The following PROSER1 variants were observed in gnomAD, a reference collection of about 807,000 sequenced individuals.
PROSER1 encodes the protein proline and serine rich 1.
PROSER1 carries 36 observed loss-of-function variants against 71.8 expected under a neutral mutation model. The observed-to-expected ratio is 0.50, with a 90% confidence interval of 0.38 to 0.66. The LOEUF (loss-of-function observed/expected upper bound fraction) is 0.66, where lower values mean the gene tolerates loss of function less well. Ranked by LOEUF, PROSER1 falls within the 30% of genes least tolerant of loss-of-function variation. PROSER1 has a pLI of 0.00. For synonymous variants in PROSER1, 490 were observed against 452.4 expected, an observed-to-expected ratio of 1.08 and a Z score of -1.06; for missense variants, 1,107 against 1,135.0, an observed-to-expected ratio of 0.98 and a Z score of 0.35.
intron 7 of PROSER1, chr13:39,023,510 A>G (rs1593534731): frequency 6.0e-6 from 1 of 165,418 alleles, no homozygotes; most frequent in East Asian, 1.7e-4. Context: ...AAATTACGCA[A>G]GAACTCCCAA....
intron 2 of PROSER1, among the ~76,000 whole-genome samples, chr13:39,032,360 TTA>T (rs1172509345): frequency 6.6e-6 from 1 of 151,996 alleles, no homozygotes; most frequent in Non-Finnish European, 1.5e-5. Flanking sequence ...GAGGGAAGCA[TTA>T]TGAGATAGCC....
intron 3 of PROSER1, among the ~76,000 whole-genome samples, chr13:39,029,997 C>G (rs1327156617): frequency 6.6e-6 from 1 of 152,040 alleles, no homozygotes; most frequent in East Asian, 1.9e-4. Context: ...GAAGATTTGG[C>G]CAATTTGGAC....
intron 11 of PROSER1, 65 bp from the exon 12 acceptor site, chr13:39,012,298 T>C (rs750947627): frequency 1.3e-5 from 20 of 1,489,350 alleles, no homozygotes; most frequent in Non-Finnish European, 1.9e-5. Flanking sequence ...GTTTCCATAT[T>C]TGTCAAATAC....
At chr13:39,027,599 A>G (rs1350697800) in intron 5 of PROSER1, among the ~76,000 whole-genome samples, 1 of 152,190 alleles carries the variant, frequency 6.6e-6, no homozygotes, top group Non-Finnish European at 1.5e-5. Context: ...TTCTACAACA[A>G]TGTATGACTA....
Position 39,014,603 on chromosome 13 carries a change from G to C in PROSER1, c.776-127C>G, listed in dbSNP as rs967914505. On this transcript the variant is annotated intron_variant, in intron 10 of 12. Transcript: ENST00000352251. ...AAATAAAAAATGACAAGTATAACAGGCTCTTGTAATATCTAAATTGCTGGG... is the reference window on the plus strand; with the variant it reads ...AAATAAAAAATGACAAGTATAACAGCCTCTTGTAATATCTAAATTGCTGGG... 7.1e-6 allele frequency: 5 copies of C among 705,546 alleles called. No homozygotes were observed. In the Admixed American group the frequency reaches 1.5e-4, roughly 21 times the overall value. The allele number at this position is 705,546 out of a possible 1,614,324, so 43.7% of individuals were successfully genotyped here.
chr13:39,035,222 T>C (rs548716939), intron 1 of PROSER1, among the ~76,000 whole-genome samples: 31 of 152,324 alleles, frequency 2.0e-4, no homozygotes, highest in African/African-American at 7.2e-4. Flanking sequence ...CTAGGAGTTT[T>C]ATTATCAATG....
At position 39,013,618 on chromosome 13, in the gene PROSER1, A is replaced by G; in HGVS notation, c.1634T>C (p.Val545Ala). ...CAGGGGAGTGGAAGTTGAGTTAGCC[A>G]CGGGAGACGGCAGGCCTGGGAACAG... The part of the protein sequence containing the change: ...LALFPGLPSP[V>A]ANSTSTPLTL... Residue 545 changes from valine (V) to alanine (A), a missense_variant, in exon 11 of 13, where the codon GTG becomes GCG. Coordinates refer to ENST00000352251, the MANE Select transcript of PROSER1 (RefSeq NM_025138.5). 1.2e-6 allele frequency: 2 copies of G among 1,614,186 alleles called. No homozygotes were observed. Among genetic ancestry groups the G allele is most frequent in the Non-Finnish European group, 1.7e-6 (2 of 1,180,026 alleles).
chr13:39,013,946 A>G lies in PROSER1; in HGVS notation c.1306T>C (p.Leu436=). Residue 436 remains leucine (L), a synonymous_variant, in exon 11 of 13, where the codon TTA becomes CTA. Coordinates refer to ENST00000352251, the MANE Select transcript of PROSER1 (RefSeq NM_025138.5). ...GATAGGCCTTGGGATGTTGGTGGTA[A>G]GGGCAAAGGGAGCCCTGCAAAAACT... is the stretch of plus-strand genomic sequence containing the variant. ...SSVFAGLPLP[L]PPTSQGLSNP... 2 of 1,614,182 alleles carry G rather than the reference A, an allele frequency of 1.2e-6. No homozygotes were observed. Among genetic ancestry groups the G allele is most frequent in the Non-Finnish European group, 1.7e-6 (2 of 1,180,030 alleles).
intron 1 of PROSER1, among the ~76,000 whole-genome samples, chr13:39,035,078 T>G (rs891514210): frequency 6.6e-6 from 1 of 152,172 alleles, no homozygotes; most frequent in Non-Finnish European, 1.5e-5. Flanking sequence ...TAAAATAATT[T>G]TAATATTCAT....
chr13:39,034,587 T>G (rs1244344318), intron 1 of PROSER1, among the ~76,000 whole-genome samples: 1 of 152,246 alleles, frequency 6.6e-6, no homozygotes, highest in Non-Finnish European at 1.5e-5. Flanking sequence ...ATGTTACTCA[T>G]TCATCAATTA....
Position 39,037,463 on chromosome 13 carries a change from C to T in PROSER1, c.-221G>A, listed in dbSNP as rs1871175566. ...AACTCTTTTTATTAAAAAGAAAAAA[C>T]ACTCCAGTCAGGCTTCCCCAGCTTA... is the stretch of plus-strand genomic sequence containing the variant. On this transcript the variant is annotated 5_prime_UTR_variant, in exon 1 of 13. Transcript: ENST00000352251. 2 of 538,764 alleles carry T rather than the reference C, an allele frequency of 3.7e-6. No homozygotes were observed. Among genetic ancestry groups the T allele is most frequent in the South Asian group, 2.4e-5 (1 of 42,542 alleles). The allele number at this position is 538,764 out of a possible 1,614,324, so 33.4% of individuals were successfully genotyped here.
At chr13:39,012,598 G>A in intron 11 of PROSER1, 93 bp downstream of exon 11, 1 of 1,063,284 alleles carries the variant, frequency 9.4e-7, no homozygotes, top group South Asian at 1.6e-5. Context: ...ACATCATTTA[G>A]ATTTTGACAT....
chr13:39,025,708 C>A (rs1384518734), intron 6 of PROSER1, among the ~76,000 whole-genome samples: 1 of 152,168 alleles, frequency 6.6e-6, no homozygotes, highest in Non-Finnish European at 1.5e-5. Context: ...TGAACCAGAA[C>A]TATCCAGCTA....
chr13:39,035,245 ACAGT>A (rs1871042637), intron 1 of PROSER1, among the ~76,000 whole-genome samples: 1 of 152,204 alleles, frequency 6.6e-6, no homozygotes, highest in Non-Finnish European at 1.5e-5. Flanking sequence ...ATAATCGGAC[ACAGT>A]CAAATACAAG....
At chr13:39,030,793 T>C (rs1870801334) in intron 3 of PROSER1, among the ~76,000 whole-genome samples, 1 of 152,048 alleles carries the variant, frequency 6.6e-6, no homozygotes, top group Admixed American at 6.5e-5. Flanking sequence ...CAAAGCACTG[T>C]CCTTTTGGAA....
chr13:39,010,058 C>G lies in PROSER1; in HGVS notation c.*1307G>C, dbSNP rs1257766916. ...GCAATCAGTAGTATAAACAGAGTTACAACTAAATTTGGATAAAAATGTTCA... is the reference window on the plus strand; with the variant it reads ...GCAATCAGTAGTATAAACAGAGTTAGAACTAAATTTGGATAAAAATGTTCA... On this transcript the variant is annotated 3_prime_UTR_variant, in exon 13 of 13. Coordinates refer to ENST00000352251, the MANE Select transcript of PROSER1 (RefSeq NM_025138.5). 6.6e-6 allele frequency: 1 copy of G among 152,548 alleles called. No individual in the cohort carries two copies. The highest frequency in any genetic ancestry group is 1.5e-5 in the Non-Finnish European group (1 of 68,012). The allele number at this position is 152,548 out of a possible 1,614,324, so 9.4% of individuals were successfully genotyped here. A position where few individuals can be genotyped will look rare whatever the true frequency, so the allele number is the denominator to read the frequency against.
chr13:39,017,932 G>A (rs1224503155), intron 9 of PROSER1: 2 of 177,244 alleles, frequency 1.1e-5, no homozygotes, highest in Non-Finnish European at 2.3e-5. Flanking sequence ...CAGCTGTAGT[G>A]CAGAGAGGAC....
chr13:39,011,297 C>T lies in PROSER1; in HGVS notation c.*68G>A. On this transcript the variant is annotated 3_prime_UTR_variant, in exon 13 of 13. Coordinates refer to ENST00000352251, the MANE Select transcript of PROSER1 (RefSeq NM_025138.5). ...GACTTTTGGCCAGCTTCACATTTGT[C>T]AGATTGTTCATTGCAGTTCTCAGGC... 2 of 1,512,122 alleles carry T rather than the reference C, an allele frequency of 1.3e-6. No individual in the cohort carries two copies. The highest frequency in any genetic ancestry group is 9.1e-7 in the Non-Finnish European group (1 of 1,103,702). The allele number at this position is 1,512,122 out of a possible 1,614,324, so 93.7% of individuals were successfully genotyped here.
chr13:39,024,320 TTA>T (rs1870440434), intron 7 of PROSER1, among the ~76,000 whole-genome samples, 151 bp downstream of exon 7: 1 of 152,148 alleles, frequency 6.6e-6, no homozygotes, highest in Non-Finnish European at 1.5e-5. Context: ...TGTTAAATAT[TTA>T]TGTTTCCCTC....
Sources: allele counts gnomAD v4.1 joint callset (sites outside exome capture counted in the v4.1 genomes callset), GRCh38; gene constraint gnomAD v4.1.1; transcripts MANE v1.5; gene names NCBI Gene and HGNC (gene_info 2026-07-23, HGNC 2026-07-21).